The following ABCB1 variants were observed in gnomAD, a reference collection of about 807,000 sequenced individuals.
ABCB1 encodes the protein ATP-dependent translocase ABCB1.
In ABCB1, 69 loss-of-function variants were observed where a neutral mutation model predicts 142.0. The observed-to-expected ratio is 0.49, with a 90% CI of 0.40 to 0.59. The LOEUF is 0.59. Among genes scored for constraint, ABCB1 ranks in the 20% least tolerant of loss-of-function variants. ABCB1 has a pLI of 0.00. For synonymous variants in ABCB1, 532 were observed against 539.2 expected (o/e 0.99, Z 0.18); for missense variants, 1,326 against 1,554.7 (o/e 0.85, Z 2.47).
intron 1 of ABCB1, among the ~76,000 whole-genome samples, chr7:87,671,638 A>G (rs1825832096): frequency 6.6e-6 from 1 of 152,032 alleles, no homozygotes; most frequent in Admixed American, 6.6e-5. Context: ...TGCTGGCCCA[A>G]AGGCACCTGT....
At chr7:87,648,613 A>G (rs1167009845) in intron 1 of ABCB1, among the ~76,000 whole-genome samples, 1 of 152,298 alleles carries the variant, frequency 6.6e-6, no homozygotes, top group East Asian at 1.9e-4. Context: ...ATTACTCTTC[A>G]TAAGTTTCTT....
At chr7:87,656,734 G>GT (rs1563108445) in intron 1 of ABCB1, among the ~76,000 whole-genome samples, 1 of 152,006 alleles carries the variant, frequency 6.6e-6, no homozygotes. Context: ...CAATTGATTT[G>GT]TTTTTTAACT....
intron 1 of ABCB1, chr7:87,628,915 TG>T: frequency 1.5e-6 from 2 of 1,309,240 alleles, no homozygotes; most frequent in Non-Finnish European, 9.8e-7. Flanking sequence ...AATGCTGCGG[TG>T]GAGAGGAGGA....
At chr7:87,524,422 C>A (rs1018502495) in intron 21 of ABCB1, among the ~76,000 whole-genome samples, 1 of 152,102 alleles carries the variant, frequency 6.6e-6, no homozygotes, top group Non-Finnish European at 1.5e-5. Flanking sequence ...CCTTCAAATT[C>A]CCAAAGACAA....
chr7:87,630,422 T>A (rs1377294470), intron 1 of ABCB1, among the ~76,000 whole-genome samples: 1 of 152,204 alleles, frequency 6.6e-6, no homozygotes, highest in Non-Finnish European at 1.5e-5. Flanking sequence ...TAATTTGCCG[T>A]TTGTGCTGTC....
intron 17 of ABCB1, among the ~76,000 whole-genome samples, chr7:87,542,727 T>TA (rs1816596285): frequency 6.6e-6 from 1 of 152,066 alleles, no homozygotes; most frequent in Non-Finnish European, 1.5e-5. Context: ...AAGACACATG[T>TA]TAGTGCAAGA....
intron 1 of ABCB1, among the ~76,000 whole-genome samples, chr7:87,681,038 A>C (rs1317619649): frequency 2.0e-5 from 3 of 150,566 alleles, no homozygotes; most frequent in Non-Finnish European, 4.4e-5. Context: ...GGAATGAAAG[A>C]GGGCATATGA....
At chr7:87,697,273 C>T (rs542596600) in intron 1 of ABCB1, among the ~76,000 whole-genome samples, 3 of 152,270 alleles carry the variant, frequency 2.0e-5, no homozygotes, top group African/African-American at 7.2e-5. Flanking sequence ...ATTTCTCTGA[C>T]TTCTGTTTCC....
chr7:87,594,401 T>G (rs1199086503), intron 3 of ABCB1, among the ~76,000 whole-genome samples: 2 of 152,162 alleles, frequency 1.3e-5, no homozygotes, highest in Admixed American at 6.5e-5. Context: ...ATATTAAAGC[T>G]CCATATTTTT....
intron 25 of ABCB1, among the ~76,000 whole-genome samples, chr7:87,514,499 C>A (rs1415295063): frequency 6.6e-6 from 1 of 152,098 alleles, no homozygotes; most frequent in East Asian, 1.9e-4. Context: ...TTTGTTGATT[C>A]TACTTTTTTT....
intron 21 of ABCB1, among the ~76,000 whole-genome samples, chr7:87,526,360 C>G (rs937365658): frequency 6.6e-6 from 1 of 151,884 alleles, no homozygotes. Flanking sequence ...CTGTAGAGTA[C>G]CATGTGCTTT....
Position 87,544,265 on chromosome 7 carries a change from A to G in ABCB1, c.2075T>C (p.Ile692Thr). 6.2e-7 allele frequency: 1 copy of G among 1,612,968 alleles called. No homozygotes were observed. Among genetic ancestry groups the G allele is most frequent in the Non-Finnish European group, 8.5e-7 (1 of 1,179,842 alleles). ...LSTKEALDES[I>T]PPVSFWRIMK... ...AATCCTCCAAAAGGAAACTGGAGGTATACTTTCATCCTAGAAAACACAAAT... is the reference window on the plus strand; with the variant it reads ...AATCCTCCAAAAGGAAACTGGAGGTGTACTTTCATCCTAGAAAACACAAAT... The change falls in exon 17 of 28, where the codon ATA (isoleucine) becomes ACA (threonine). Residue 692 changes from isoleucine to threonine, a missense_variant. Transcript: ENST00000622132.
chr7:87,710,866 C>T (rs141750585), intron 1 of ABCB1, among the ~76,000 whole-genome samples: 15 of 152,226 alleles, frequency 9.9e-5, no homozygotes, highest in African/African-American at 1.9e-4. Context: ...ATACACATTA[C>T]GCCTGGAATA....
In ABCB1 at chr7:87,504,315, A is replaced by T; in HGVS notation, c.3771T>A (p.His1257Gln). The stretch of plus-strand genomic sequence containing the variant: ...TGCCTTTCTGTGCCAGCAGCTGCTG[A>T]TGCGTGCCATGCTCCTTGACTCTGC... ...QNGRVKEHGT[H>Q]QQLLAQKGIY... Residue 1257 changes from histidine to glutamine, a missense_variant, in exon 28 of 28, where the codon CAT becomes CAA. His to Gln is a conservative substitution (Grantham distance 24). Transcript: ENST00000622132. The T allele has an allele frequency of 6.2e-7, 1 of 1,614,072 alleles. No homozygotes were observed. Among genetic ancestry groups the T allele is most frequent in the South Asian group, 1.1e-5 (1 of 91,082 alleles).
At chr7:87,611,645 C>T (rs1034550250) in intron 1 of ABCB1, among the ~76,000 whole-genome samples, 2 of 151,772 alleles carry the variant, frequency 1.3e-5, no homozygotes, top group African/African-American at 4.8e-5. Flanking sequence ...AGGTTGATTA[C>T]ATGTCTTTGC....
chr7:87,595,961 A>G (rs1819190625), intron 2 of ABCB1, 147 bp from the exon 3 acceptor site: 1 of 656,888 alleles, frequency 1.5e-6, no homozygotes, highest in Non-Finnish European at 2.6e-6. Context: ...TGATAATAGT[A>G]TGACCCCATT....
chr7:87,637,759 C>G (rs1025093800), intron 1 of ABCB1, among the ~76,000 whole-genome samples: 2 of 151,908 alleles, frequency 1.3e-5, no homozygotes, highest in Non-Finnish European at 2.9e-5. Flanking sequence ...AAATACTGGT[C>G]TTATATCTAA....
intron 20 of ABCB1, among the ~76,000 whole-genome samples, chr7:87,534,561 A>C (rs922912397): frequency 2.0e-5 from 3 of 152,144 alleles, no homozygotes; most frequent in African/African-American, 7.2e-5. Context: ...ACCATGTCTC[A>C]TACAGAACTC....
chr7:87,671,059 G>T (rs1259606256), intron 1 of ABCB1, among the ~76,000 whole-genome samples: 1 of 152,126 alleles, frequency 6.6e-6, no homozygotes, highest in Non-Finnish European at 1.5e-5. Flanking sequence ...CTTGTTTCCT[G>T]GGGGCTCCAA....
Sources: gnomAD v4.1 joint callset for allele counts (sites outside exome capture counted in the v4.1 genomes callset) on GRCh38, gnomAD v4.1.1 for gene constraint, MANE v1.5 for transcripts, NCBI Gene and HGNC (gene_info 2026-07-23, HGNC 2026-07-21) for gene names.